ATXN2: variants seen among roughly 807,000 people sequenced by gnomAD.
ATXN2 encodes the protein ataxin 2, also known as ataxin-2.
Under a neutral mutation model 138.6 loss-of-function variants are expected in ATXN2, and 37 were observed. The observed-to-expected ratio is 0.27, with a 90% CI of 0.21 to 0.35. ATXN2 has a LOEUF of 0.35. Among genes scored for constraint, ATXN2 ranks in the 10% least tolerant of loss-of-function variants. The probability of loss-of-function intolerance (pLI) is 1.00; values close to 1 mark genes in which losing one functional copy is unlikely to be tolerated. For synonymous variants in ATXN2, 549 were observed against 543.7 expected (o/e 1.01, Z -0.13); for missense variants, 1,216 against 1,480.3 (o/e 0.82, Z 2.93).
chr12:111,553,736 G>A (rs929198792), intron 3 of ATXN2, among the ~76,000 whole-genome samples: 1 of 151,206 alleles, frequency 6.6e-6, no homozygotes, highest in Non-Finnish European at 1.5e-5. Context: ...AAGTCACTAG[G>A]ACTACAGGCA....
intron 14 of ATXN2, among the ~76,000 whole-genome samples, chr12:111,493,248 C>T (rs767440099): frequency 6.6e-6 from 1 of 151,854 alleles, no homozygotes; most frequent in Non-Finnish European, 1.5e-5. Context: ...GGCAAAACCC[C>T]GTCTTTACTA....
intron 14 of ATXN2, among the ~76,000 whole-genome samples, chr12:111,504,431 C>G (rs1360519658): frequency 6.6e-6 from 1 of 152,144 alleles, no homozygotes; most frequent in Non-Finnish European, 1.5e-5. Flanking sequence ...GACTAGACTA[C>G]AGGTGTGCGC....
chr12:111,479,722 T>A (rs543981361), intron 18 of ATXN2, among the ~76,000 whole-genome samples: 2 of 152,224 alleles, frequency 1.3e-5, no homozygotes, highest in Non-Finnish European at 2.9e-5. Flanking sequence ...TGCTATTTTT[T>A]TTTGTTTTGT....
Position 111,460,065 on chromosome 12 carries a change from T to A in ATXN2, c.2897-2706A>T, listed in dbSNP as rs538305183. On this transcript the variant is annotated intron_variant, in intron 21 of 24. Transcript: ENST00000673436. ...AAAAAGCCACATGTAGCTAAGTAGCTAATACGGTGGACAGTGCAGTTTTGT... is the reference window on the plus strand; with the variant it reads ...AAAAAGCCACATGTAGCTAAGTAGCAAATACGGTGGACAGTGCAGTTTTGT... 3.9e-5 allele frequency among the ~76,000 whole-genome samples: 6 copies of A among 152,220 alleles called. No individual in the cohort carries two copies. The East Asian group carries it at 1.2e-3, about 29-fold the overall frequency.
chr12:111,488,984 A>T (rs1392895870), intron 14 of ATXN2, among the ~76,000 whole-genome samples: 1 of 152,192 alleles, frequency 6.6e-6, no homozygotes, highest in Non-Finnish European at 1.5e-5. Flanking sequence ...CAAAGCACTC[A>T]AATGTCCTAG....
In ATXN2 at chr12:111,488,473, C is replaced by T. The variant is rs1294982739; in HGVS notation, c.2240+3G>A. On this transcript the variant is annotated splice_donor_region_variant and intron_variant, in intron 15 of 24. Coordinates refer to ENST00000673436, the MANE Select transcript of ATXN2 (RefSeq NM_001372574.1). Reference sequence around the variant, plus strand: ...GGATGGTCTAAGTTCCAGGTTTACTCACTCAGCTGCGTCTTTCTTCTCTTC... The same window carrying T: ...GGATGGTCTAAGTTCCAGGTTTACTTACTCAGCTGCGTCTTTCTTCTCTTC... 8.7e-6 allele frequency: 14 copies of T among 1,602,154 alleles called. No homozygotes were observed. The highest frequency in any genetic ancestry group is 1.2e-5 in the Non-Finnish European group (14 of 1,173,788).
At chr12:111,489,629 T>C (rs1335000882) in intron 14 of ATXN2, among the ~76,000 whole-genome samples, 1 of 144,494 alleles carries the variant, frequency 6.9e-6, no homozygotes, top group African/African-American at 2.6e-5. Context: ...AAAAAAAAGA[T>C]AGCACCAATG....
At chr12:111,463,966 T>A (rs1208398418) in intron 21 of ATXN2, among the ~76,000 whole-genome samples, 14 of 152,072 alleles carry the variant, frequency 9.2e-5, no homozygotes, top group Admixed American at 7.2e-4. Flanking sequence ...TTTGTATTTT[T>A]TAGTAGAGAT....
intron 14 of ATXN2, among the ~76,000 whole-genome samples, chr12:111,508,064 T>C (rs1879274595): frequency 1.3e-5 from 2 of 152,100 alleles, no homozygotes; most frequent in Admixed American, 6.5e-5. Flanking sequence ...CCAGAGACCT[T>C]TGTTCACTTT....
Position 111,599,269 on chromosome 12 carries a change from G to T in ATXN2, c.-235C>A. The stretch of plus-strand genomic sequence containing the variant: ...AGCCGGGCCGAAACGCGCCGCCGCC[G>T]TTGCCGTTGCTACCAAAACAGTCTG... On this transcript the variant is annotated 5_prime_UTR_variant, in exon 1 of 25. Transcript: ENST00000673436. The T allele has an allele frequency of 8.6e-7, 1 of 1,163,460 alleles. No individual in the cohort carries two copies. Among genetic ancestry groups the T allele is most frequent in the African/African-American group, 1.7e-5 (1 of 60,152 alleles). 72.1% of individuals were successfully genotyped at this position (1,163,460 alleles called of 1,614,324 possible). A position where few individuals can be genotyped will look rare whatever the true frequency, so the allele number is the denominator to read the frequency against.
At chr12:111,485,635 A>G (rs1877583780) in intron 17 of ATXN2, 78 bp downstream of exon 17, 2 of 1,531,870 alleles carry the variant, frequency 1.3e-6, no homozygotes, top group Admixed American at 1.7e-5. Context: ...CCCTCAAGTC[A>G]CTGAAAACCT....
chr12:111,593,610 TA>T (rs796284474), intron 1 of ATXN2, among the ~76,000 whole-genome samples: 15,649 of 140,830 alleles, frequency 0.11, 2,612 homozygotes, highest in African/African-American at 0.37. Flanking sequence ...ATTTTTCTCT[TA>T]AAAAAAAAAA....
intron 9 of ATXN2, among the ~76,000 whole-genome samples, chr12:111,517,389 C>G (rs1205527094): frequency 1.3e-5 from 2 of 152,108 alleles, no homozygotes; most frequent in Non-Finnish European, 2.9e-5. Context: ...GAGAGGAATT[C>G]TGGAGAAAAG....
intron 18 of ATXN2, among the ~76,000 whole-genome samples, chr12:111,475,341 T>C (rs574358519): frequency 2.3e-5 from 2 of 88,470 alleles, no homozygotes; most frequent in Admixed American, 1.5e-4. Flanking sequence ...CAAGATTCCA[T>C]CTCAAAAAAA....
Position 111,509,623 on chromosome 12 carries a change from T to C in ATXN2, c.1865-4A>G. Reference sequence around the variant, plus strand: ...TCAGAAACAACTGGTGATATACCTGTAAAATTAAGAACTGTTAAGACACAG... The same window carrying C: ...TCAGAAACAACTGGTGATATACCTGCAAAATTAAGAACTGTTAAGACACAG... On this transcript the variant is annotated splice_polypyrimidine_tract_variant and splice_region_variant and intron_variant, in intron 13 of 24. Coordinates refer to ENST00000673436, the MANE Select transcript of ATXN2 (RefSeq NM_001372574.1). 1 of 1,469,590 alleles carries C rather than the reference T, an allele frequency of 6.8e-7. No individual in the cohort carries two copies. Among genetic ancestry groups the C allele is most frequent in the Non-Finnish European group, 9.4e-7 (1 of 1,067,330 alleles). 91.0% of individuals were successfully genotyped at this position (1,469,590 alleles called of 1,614,324 possible).
intron 5 of ATXN2, among the ~76,000 whole-genome samples, chr12:111,534,449 T>C (rs1881029463): frequency 6.6e-6 from 1 of 152,070 alleles, no homozygotes; most frequent in African/African-American, 2.4e-5. Flanking sequence ...CAAAGGAATA[T>C]ATATATGTTG....
intron 14 of ATXN2, among the ~76,000 whole-genome samples, chr12:111,509,103 G>A (rs1331678958): frequency 6.6e-6 from 1 of 152,194 alleles, no homozygotes; most frequent in Non-Finnish European, 1.5e-5. Flanking sequence ...TAAAGCCTGT[G>A]CTAAGACAGA....
At chr12:111,535,823 A>AC (rs1474458814) in intron 5 of ATXN2, among the ~76,000 whole-genome samples, 1 of 150,956 alleles carries the variant, frequency 6.6e-6, no homozygotes, top group African/African-American at 2.4e-5. Flanking sequence ...AAACGGTGAA[A>AC]CCCCGTCTCT....
At chr12:111,484,399 C>A (rs1427278224) in intron 18 of ATXN2, among the ~76,000 whole-genome samples, 1 of 151,694 alleles carries the variant, frequency 6.6e-6, no homozygotes, top group Non-Finnish European at 1.5e-5. Flanking sequence ...CTGTGTCCAG[C>A]CAATTAGTCT....
Sources: gnomAD v4.1 joint callset for allele counts (sites outside exome capture counted in the v4.1 genomes callset) on GRCh38, gnomAD v4.1.1 for gene constraint, MANE v1.5 for transcripts, NCBI Gene and HGNC (gene_info 2026-07-23, HGNC 2026-07-21) for gene names.